The following ACY3 variants were observed in gnomAD, a reference collection of about 807,000 sequenced individuals.
The protein encoded by ACY3 is aminoacylase 3.
In ACY3, 20 loss-of-function variants were observed where a neutral mutation model predicts 24.6. The observed-to-expected ratio is 0.81, with a 90% CI of 0.57 to 1.18. The LOEUF is 1.18. ACY3 is among the 50% of genes most tolerant of loss of function. The pLI is 0.00. For synonymous variants in ACY3, 174 were observed against 188.4 expected, an observed-to-expected ratio of 0.92 and a Z score of 0.62; for missense variants, 423 against 426.8, an observed-to-expected ratio of 0.99 and a Z score of 0.08.
chr11:67,642,741 G>A lies in ACY3; in HGVS notation c.943C>T (p.Pro315Ser), dbSNP rs765589639. Residue 315 changes from proline to serine, a missense_variant, in exon 8 of 8, where the codon CCG (proline) becomes TCG (serine). By Grantham distance (74) the Pro-to-Ser change is moderately conservative (BLOSUM62 -1). Coordinates refer to ENST00000255082, the MANE Select transcript of ACY3 (RefSeq NM_080658.2). Reference protein sequence around the residue: ...VPAMPALTPAPSPAS With the variant: ...VPAMPALTPASSPAS ...GTCTTGGGTTAGGAAGCTGGGCTCG[G>A]GGCAGGGGTCAGCGCGGGCATGGCA... The A allele has an allele frequency of 4.3e-6, 7 of 1,614,122 alleles. No homozygotes were observed. In the South Asian group the frequency reaches 6.6e-5, roughly 15 times the overall value.
At chr11:67,648,800 C>T (rs763103722) in intron 1 of ACY3, among the ~76,000 whole-genome samples, 1 of 152,160 alleles carries the variant, frequency 6.6e-6, no homozygotes, top group African/African-American at 2.4e-5. Context: ...CAGAGCATGG[C>T]GATTGTGGGG....
chr11:67,650,439 C>G (rs569313015), intron 1 of ACY3, 144 bp downstream of exon 1: 1 of 152,360 alleles, frequency 6.6e-6, no homozygotes, highest in Non-Finnish European at 1.5e-5. Context: ...TTAGTTAACA[C>G]CCGCCAAGCA....
At chr11:67,648,364 A>G (rs369274588) in intron 1 of ACY3, among the ~76,000 whole-genome samples, 2 of 152,134 alleles carry the variant, frequency 1.3e-5, no homozygotes, top group African/African-American at 4.8e-5. Flanking sequence ...AGTGCGTCCA[A>G]TGTGGCTCCA....
intron 1 of ACY3, among the ~76,000 whole-genome samples, chr11:67,648,586 G>A (rs777182731): frequency 6.6e-6 from 1 of 152,104 alleles, no homozygotes; most frequent in Non-Finnish European, 1.5e-5. Flanking sequence ...CCTCCCCCAG[G>A]CATCGATCCT....
Position 67,644,732 on chromosome 11 carries a change from CCACACACACA to C in ACY3, c.744+18_744+27del, listed in dbSNP as rs3223257. The C allele has an allele frequency of 1.7e-5, 23 of 1,317,736 alleles. No homozygotes were observed. In the African/African-American group the frequency reaches 2.7e-4, roughly 16 times the overall value. 81.6% of individuals were successfully genotyped at this position (1,317,736 alleles called of 1,614,324 possible). On this transcript the variant is annotated intron_variant, in intron 7 of 7. Transcript: ENST00000255082. ...CTGTGGCCCCAGAAATCACCCCCCA[CCACACACACA>C]CACACACACACACACACCTGCAGCT...
At position 67,646,999 on chromosome 11, in the gene ACY3, A is replaced by G; in HGVS notation, c.45T>C (p.Ala15=). 1 of 1,558,738 alleles carries G rather than the reference A, an allele frequency of 6.4e-7. No individual in the cohort carries two copies. The highest frequency in any genetic ancestry group is 8.7e-7 in the Non-Finnish European group (1 of 1,150,348). The change falls in exon 3 of 8, where the codon GCT becomes GCC. Residue 15 remains alanine, a synonymous_variant. Transcript: ENST00000255082. ...PVPREPLRRV[A]VTGGTHGNEM... ...CGTTGCCATGCGTGCCCCCAGTCAC[A>G]GCCACGCGACGCAGGGGCTCCCGGG...
chr11:67,644,778 A>T lies in ACY3; in HGVS notation c.726T>A (p.Thr242=). Residue 242 remains threonine (T), a synonymous_variant, in exon 7 of 8, where the codon ACT becomes ACA. Coordinates refer to ENST00000255082, the MANE Select transcript of ACY3 (RefSeq NM_080658.2). The part of the protein sequence containing the change: ...PRTEAGHLAG[T]VHPQLQDRDF... ...CACACACCTGCAGCTGAGGATGCACAGTGCCTGCCAGGTGCCCGGCCTCGG... is the reference window on the plus strand; with the variant it reads ...CACACACCTGCAGCTGAGGATGCACTGTGCCTGCCAGGTGCCCGGCCTCGG... The T allele has an allele frequency of 6.4e-7, 1 of 1,555,902 alleles. No individual in the cohort carries two copies. The highest frequency in any genetic ancestry group is 8.7e-7 in the Non-Finnish European group (1 of 1,150,290).
chr11:67,645,124 A>G lies in ACY3; in HGVS notation c.555T>C (p.Gly185=), dbSNP rs776077357. The G allele has an allele frequency of 1.1e-5, 17 of 1,613,072 alleles. No homozygotes were observed. Among genetic ancestry groups the G allele is most frequent in the Non-Finnish European group, 1.4e-5 (17 of 1,179,762 alleles). ...LGLELGPQPQ[G]VLRADIFSRM... is the part of the protein sequence containing the mutation. ...TTGAGAAAATGTCAGCCCGCAGCAC[A>G]CCCTGTGGCTGGGGGCCCAGCTCCA... is the stretch of plus-strand genomic sequence containing the variant. The change falls in exon 6 of 8, where the codon GGT becomes GGC. Residue 185 remains glycine (G), a synonymous_variant. Transcript: ENST00000255082.
At chr11:67,644,717 A>C in intron 7 of ACY3, 43 bp downstream of exon 7, 2 of 1,492,006 alleles carry the variant, frequency 1.3e-6, no homozygotes, top group Non-Finnish European at 1.8e-6. Flanking sequence ...CTGTGGCCCC[A>C]GAAATCACCC....
At position 67,645,645 on chromosome 11, in the gene ACY3, C is replaced by T. The variant is rs543175719; in HGVS notation, c.432+47G>A. On this transcript the variant is annotated intron_variant, in intron 4 of 7. Coordinates refer to ENST00000255082, the MANE Select transcript of ACY3 (RefSeq NM_080658.2). ...CAGCATTGTCCCGCCTGCCCTCCCT[C>T]CCTCCCACTCCCCTCTGGGGAGCTG... 21 of 1,541,822 alleles carry T rather than the reference C, an allele frequency of 1.4e-5. No individual in the cohort carries two copies. The East Asian group carries it at 4.5e-4, about 33-fold the overall frequency.
intron 7 of ACY3, among the ~76,000 whole-genome samples, chr11:67,643,537 G>T (rs1164658542): frequency 1.3e-5 from 2 of 152,116 alleles, no homozygotes; most frequent in African/African-American, 4.8e-5. Flanking sequence ...AATTAGCCAG[G>T]TGTGGTGGTG....
chr11:67,644,910 A>G, intron 6 of ACY3, 41 bp from the exon 7 acceptor site: 1 of 1,602,262 alleles, frequency 6.2e-7, no homozygotes, highest in Non-Finnish European at 8.5e-7. Context: ...CCCTCCCTCC[A>G]GGCTAGGGGA....
In ACY3 at chr11:67,649,749, G is replaced by A. The variant is rs561064885; in HGVS notation, c.-95+834C>T. On this transcript the variant is annotated intron_variant, in intron 1 of 7. Transcript: ENST00000255082. ...CATGAGAGCATGTGTGCGTGTGTGC[G>A]CATGTGTGACAGCATGCATGTGTGC... 2.7e-3 allele frequency among the ~76,000 whole-genome samples: 415 copies of A among 151,530 alleles called. 10 individuals are homozygous for A. Among genetic ancestry groups the A allele is most frequent in the African/African-American group, 5.3e-3 (216 of 41,024 alleles).
chr11:67,643,828 G>C (rs1476545605), intron 7 of ACY3, among the ~76,000 whole-genome samples: 5 of 149,886 alleles, frequency 3.3e-5, no homozygotes, highest in African/African-American at 1.2e-4. Context: ...AACCCTGTCT[G>C]TACTAAAAAG....
At chr11:67,644,091 C>T (rs1037107613) in intron 7 of ACY3, among the ~76,000 whole-genome samples, 8 of 152,136 alleles carry the variant, frequency 5.3e-5, no homozygotes, top group South Asian at 2.1e-4. Flanking sequence ...TAGCTGGGCA[C>T]GGCTGGATTA....
Position 67,645,313 on chromosome 11 carries a change from AG to A in ACY3, c.499del (p.Leu167TrpfsTer29). Reference sequence around the variant, plus strand: ...CAGTCCATTTTTGGCCACAGAGTCCAGGTTGTAGCTCTCCTCCCCAGACCGC... The same window carrying A: ...CAGTCCATTTTTGGCCACAGAGTCCAGTTGTAGCTCTCCTCCCCAGACCGC... ...YQRSGEESYN[L>X]DSVAKNGLGL... On this transcript the variant is annotated frameshift_variant, in exon 5 of 8. Coordinates refer to ENST00000255082, the MANE Select transcript of ACY3 (RefSeq NM_080658.2). LOFTEE classifies it high-confidence loss of function. The A allele has an allele frequency of 1.2e-6, 2 of 1,613,636 alleles. No homozygotes were observed. Among genetic ancestry groups the A allele is most frequent in the Non-Finnish European group, 1.7e-6 (2 of 1,179,966 alleles).
chr11:67,648,917 CCTATGAG>C (rs1855566500), intron 1 of ACY3, among the ~76,000 whole-genome samples: 3 of 152,104 alleles, frequency 2.0e-5, no homozygotes, highest in Admixed American at 2.0e-4. Flanking sequence ...GCCGGGGCTC[CCTATGAG>C]CCCCCTCCAG....
At position 67,647,054 on chromosome 11, in the gene ACY3, G is replaced by A. The variant is rs1217941676; in HGVS notation, c.-11C>T. ...AGGCAGTGAGCACATGCTGGTGTGG[G>A]GTGCAGAACCTGGGGGTGGGCATAC... On this transcript the variant is annotated 5_prime_UTR_variant, in exon 3 of 8. Transcript: ENST00000255082. 6 of 1,506,352 alleles carry A rather than the reference G, an allele frequency of 4.0e-6. No individual in the cohort carries two copies. The highest frequency in any genetic ancestry group is 5.3e-6 in the Non-Finnish European group (6 of 1,125,280). 93.3% of individuals were successfully genotyped at this position (1,506,352 alleles called of 1,614,324 possible).
At chr11:67,645,638 C>CCTCCCTCCCTCCCA (rs1855500789) in intron 4 of ACY3, 54 bp downstream of exon 4, 1 of 1,529,188 alleles carries the variant, frequency 6.5e-7, no homozygotes, top group Non-Finnish European at 8.8e-7. Flanking sequence ...TCCCGCCTGC[C>CCTCCCTCCCTCCCA]CTCCCTCCCT....
Sources: gnomAD v4.1 joint callset for allele counts (sites outside exome capture counted in the v4.1 genomes callset) on GRCh38, gnomAD v4.1.1 for gene constraint, MANE v1.5 for transcripts, NCBI Gene and HGNC (gene_info 2026-07-23, HGNC 2026-07-21) for gene names.